Variants in LTBP2 observed in about 807,000 individuals in gnomAD.
LTBP2 encodes the protein latent transforming growth factor beta binding protein 2.
In LTBP2, 103 loss-of-function variants were observed where a neutral mutation model predicts 210.6. That is an observed-to-expected ratio of 0.49 (90% CI 0.42 to 0.58). The LOEUF (loss-of-function observed/expected upper bound fraction) is 0.58. LTBP2 is among the 20% of genes least tolerant of loss of function. The pLI, the probability that LTBP2 is intolerant of heterozygous loss-of-function variation, is 0.00. For synonymous variants in LTBP2, 1,007 were observed against 1,015.0 expected, an observed-to-expected ratio of 0.99 and a Z score of 0.15; for missense variants, 2,313 against 2,494.5, an observed-to-expected ratio of 0.93 and a Z score of 1.55.
At chr14:74,589,312 G>T (rs1234539867) in intron 2 of LTBP2, among the ~76,000 whole-genome samples, 2 of 152,202 alleles carry the variant, frequency 1.3e-5, no homozygotes, top group Admixed American at 6.5e-5. Context: ...GCTGAGGCAG[G>T]GAGTAGGGAA....
rs1261491703 is a variant in LTBP2, at chr14:74,586,376, G to T, written c.566-258C>A. Among the ~76,000 whole-genome samples, 2 of 152,176 alleles carry T rather than the reference G, an allele frequency of 1.3e-5. No individual in the cohort carries two copies. The highest frequency in any genetic ancestry group is 3.9e-4 in the East Asian group (2 of 5,168). On this transcript the variant is annotated intron_variant, in intron 2 of 35. Coordinates refer to ENST00000261978, the MANE Select transcript of LTBP2 (RefSeq NM_000428.3). The surrounding 1 kb of genome is among the most constrained non-coding windows in gnomAD (Gnocchi z 4.6). ...GCTGCAGAGTGGCTCACACCACCACGTCCCACAGCACACCCTGAAGAGGAA... is the reference window on the plus strand; with the variant it reads ...GCTGCAGAGTGGCTCACACCACCACTTCCCACAGCACACCCTGAAGAGGAA...
rs571541483 is a variant in LTBP2, at chr14:74,526,124, A to G, written c.2389-10T>C. On this transcript the variant is annotated splice_polypyrimidine_tract_variant and intron_variant, in intron 13 of 35. Transcript: ENST00000261978. Reference sequence around the variant, plus strand: ...TGACACTGGTCGTGACCTGCACAGAAACAGGAGAAGGTCACTTTTGGCTCC... The same window carrying G: ...TGACACTGGTCGTGACCTGCACAGAGACAGGAGAAGGTCACTTTTGGCTCC... 2 of 1,597,664 alleles carry G rather than the reference A, an allele frequency of 1.3e-6. No homozygotes were observed. Among genetic ancestry groups the G allele is most frequent in the South Asian group, 2.3e-5 (2 of 88,296 alleles).
Position 74,501,475 on chromosome 14 carries a change from G to A in LTBP2, c.5286C>T (p.Gly1762=). The A allele has an allele frequency of 6.2e-7, 1 of 1,614,184 alleles. No individual in the cohort carries two copies. Among genetic ancestry groups the A allele is most frequent in the Non-Finnish European group, 8.5e-7 (1 of 1,180,034 alleles). ...REGYTCDCFE[G]FQLDAAHMAC... is the part of the protein sequence containing the mutation. ...CCATGTGGGCCGCATCCAGCTGGAA[G>A]CCCTCAAAACAGTCACAGGTGTAGC... The change falls in exon 35 of 36, where the codon GGC becomes GGT. Residue 1762 remains glycine (G), a synonymous_variant. Coordinates refer to ENST00000261978, the MANE Select transcript of LTBP2 (RefSeq NM_000428.3).
In LTBP2 at chr14:74,503,878, A is replaced by T. The variant is rs776496602; in HGVS notation, c.4582+48T>A. The T allele has an allele frequency of 3.7e-6, 6 of 1,611,464 alleles. No homozygotes were observed. In the South Asian group the frequency reaches 6.6e-5, roughly 18 times the overall value. ...GCTGGCAGGGGCTGGGTGGGCCATT[A>T]TTCAGCTGTGGGCCTGGGGTGGGGG... On this transcript the variant is annotated intron_variant, in intron 31 of 35. Transcript: ENST00000261978.
rs769112614 is a variant in LTBP2 at position 74,552,268 on chromosome 14, C to T, written c.1318G>A (p.Gly440Arg). ...AAGGCCCTGGGGCGGGACCCCCTCC[C>T]TGGAGGCTCCCTGTCCGGCTGCGGG... ...PIPQPDREPP[G>R]RGSRPRALLE... Residue 440 changes from glycine (G) to arginine (R), a missense_variant, in exon 6 of 36, where the codon GGG becomes AGG. By Grantham distance (125) the Gly-to-Arg change is moderately radical (BLOSUM62 -2). Coordinates refer to ENST00000261978, the MANE Select transcript of LTBP2 (RefSeq NM_000428.3). 6.2e-7 allele frequency: 1 copy of T among 1,613,304 alleles called. No individual in the cohort carries two copies. Among genetic ancestry groups the T allele is most frequent in the South Asian group, 1.1e-5 (1 of 91,082 alleles).
chr14:74,503,522 G>T lies in LTBP2; in HGVS notation c.4667C>A (p.Pro1556Gln). ...CTGCTGGCTGAGGTCCAGGGTGAGC[G>T]GGGGGCTGCAGAAGCAGTGGAAGGA... Reference protein sequence around the residue: ...EGSFHCFCSPPLTLDLSQQRC... With the variant: ...EGSFHCFCSPQLTLDLSQQRC... The change falls in exon 32 of 36, where the codon CCG becomes CAG. Residue 1556 changes from proline (P) to glutamine (Q), a missense_variant. This residue lies in a region of LTBP2 where 443 missense variants were observed against 501.4 expected (regional missense o/e 0.88). Coordinates refer to ENST00000261978, the MANE Select transcript of LTBP2 (RefSeq NM_000428.3). The T allele has an allele frequency of 2.5e-6, 4 of 1,613,178 alleles. No homozygotes were observed. Among genetic ancestry groups the T allele is most frequent in the Non-Finnish European group, 2.5e-6 (3 of 1,179,776 alleles).
At chr14:74,603,522 G>A (rs1158405350) in intron 2 of LTBP2, 113 bp downstream of exon 2, 9 of 1,022,238 alleles carry the variant, frequency 8.8e-6, no homozygotes, top group African/African-American at 4.7e-5. Context: ...TAGGAAAGAC[G>A]CTTCTGCTCC....
intron 2 of LTBP2, among the ~76,000 whole-genome samples, chr14:74,598,178 CCA>C (rs1040188338): frequency 6.6e-6 from 1 of 152,196 alleles, no homozygotes; most frequent in Non-Finnish European, 1.5e-5. Context: ...AGCCACCTTG[CCA>C]CAGTCTTCCA....
At chr14:74,518,460 C>T (rs1042118484) in intron 17 of LTBP2, among the ~76,000 whole-genome samples, 1 of 152,200 alleles carries the variant, frequency 6.6e-6, no homozygotes, top group Non-Finnish European at 1.5e-5. Context: ...ACACTGTCCC[C>T]TTGCCTGGAA....
intron 18 of LTBP2, 98 bp downstream of exon 18, chr14:74,516,724 A>G: frequency 6.7e-7 from 1 of 1,487,396 alleles, no homozygotes; most frequent in Non-Finnish European, 9.1e-7. Context: ...GGGCCAGGGC[A>G]GAGACAAGCC....
chr14:74,603,686 G>T lies in LTBP2; in HGVS notation c.514C>A (p.Gln172Lys). The change falls in exon 2 of 36, where the codon CAG becomes AAG. Residue 172 changes from glutamine to lysine, a missense_variant. By Grantham distance (53) the Gln-to-Lys change is moderately conservative. Transcript: ENST00000261978. ...RLTGRNVCGGQCCPGWTTANS... is the reference protein window; with the variant it reads ...RLTGRNVCGGKCCPGWTTANS... ...GCTGTTGTCCATCCTGGGCAGCACT[G>T]TCCCCCGCAGACGTTCCTCCTGTGG... 1 of 1,614,182 alleles carries T rather than the reference G, an allele frequency of 6.2e-7. No homozygotes were observed. The highest frequency in any genetic ancestry group is 1.7e-5 in the Admixed American group (1 of 60,032).
At chr14:74,503,124 C>T in intron 33 of LTBP2, 95 bp downstream of exon 33, 1 of 1,562,786 alleles carries the variant, frequency 6.4e-7, no homozygotes, top group Non-Finnish European at 8.7e-7. Flanking sequence ...CTTTGCTCTG[C>T]TCCTTCTTTC....
chr14:74,604,164 CAAAAAAAAA>C (rs59313477), intron 1 of LTBP2, among the ~76,000 whole-genome samples: 1 of 72,750 alleles, frequency 1.4e-5, no homozygotes, highest in South Asian at 4.8e-4. Flanking sequence ...TGCCTCTCAC[CAAAAAAAAA>C]AAAAAAAAAA....
intron 3 of LTBP2, among the ~76,000 whole-genome samples, chr14:74,574,160 C>T (rs371230372): frequency 2.0e-5 from 3 of 152,320 alleles, no homozygotes; most frequent in East Asian, 3.9e-4. Context: ...CCAACCCTGA[C>T]CACAATCCTA....
intron 4 of LTBP2, 133 bp from the exon 5 acceptor site, chr14:74,553,195 G>A (rs1478596496): frequency 8.1e-6 from 7 of 859,382 alleles, no homozygotes; most frequent in Non-Finnish European, 1.1e-5. Flanking sequence ...CCTACTGGAC[G>A]CAGGGTCCCA....
Position 74,535,920 on chromosome 14 carries a change from T to A in LTBP2, c.1864+6A>T, listed in dbSNP as rs776120865. On this transcript the variant is annotated splice_donor_region_variant and intron_variant, in intron 9 of 35. Coordinates refer to ENST00000261978, the MANE Select transcript of LTBP2 (RefSeq NM_000428.3). Reference sequence around the variant, plus strand: ...TTGAGCCCAGCCCTGGCCCTGGGGGTCCTACCTTGGCAGTGAGTGAGGTTC... The same window carrying A: ...TTGAGCCCAGCCCTGGCCCTGGGGGACCTACCTTGGCAGTGAGTGAGGTTC... 8.1e-6 allele frequency: 13 copies of A among 1,613,618 alleles called. No homozygotes were observed. In the Admixed American group the frequency reaches 2.2e-4, roughly 27 times the overall value.
chr14:74,602,690 C>A (rs2139806867), intron 2 of LTBP2, among the ~76,000 whole-genome samples: 1 of 152,330 alleles, frequency 6.6e-6, no homozygotes, highest in East Asian at 1.9e-4. Context: ...CTCCTGATAC[C>A]ATCAGTGGAA....
intron 3 of LTBP2, among the ~76,000 whole-genome samples, chr14:74,572,177 A>T (rs1184326437): frequency 6.6e-6 from 1 of 152,212 alleles, no homozygotes; most frequent in Non-Finnish European, 1.5e-5. Context: ...CATACAACAC[A>T]GTCATCAGAT....
rs377640482 is a variant in LTBP2 at position 74,526,223 on chromosome 14, C to A, written c.2389-109G>T. 4 of 1,071,894 alleles carry A rather than the reference C, an allele frequency of 3.7e-6. No homozygotes were observed. In the East Asian group the frequency reaches 1.0e-4, roughly 28 times the overall value. The allele number at this position is 1,071,894 out of a possible 1,614,324, so 66.4% of individuals were successfully genotyped here. ...CCGGGCTTCCTACCAGGAGCTCATTCATGTTTTCATTCATTCCAGGTATTG... is the reference window on the plus strand; with the variant it reads ...CCGGGCTTCCTACCAGGAGCTCATTAATGTTTTCATTCATTCCAGGTATTG... On this transcript the variant is annotated intron_variant, in intron 13 of 35. Coordinates refer to ENST00000261978, the MANE Select transcript of LTBP2 (RefSeq NM_000428.3).
Sources: gnomAD v4.1 joint callset for allele counts (sites outside exome capture counted in the v4.1 genomes callset) on GRCh38, gnomAD v4.1.1 for gene constraint, gnomAD v4.1.1 regional missense constraint, Gnocchi (gnomAD v3.1) non-coding constraint, MANE v1.5 for transcripts, NCBI Gene and HGNC (gene_info 2026-07-23, HGNC 2026-07-21) for gene names.